The following FAM53A variants were observed in gnomAD, a reference collection of about 807,000 sequenced individuals.
The protein encoded by FAM53A is protein FAM53A.
In FAM53A, 28 loss-of-function variants were observed where a neutral mutation model predicts 26.6. The ratio of observed to expected loss-of-function variants is 1.05; its 90% CI spans 0.78 to 1.45. The LOEUF is 1.45. FAM53A is among the 40% of genes most tolerant of loss of function. The pLI is 0.00. For synonymous variants in FAM53A, 290 were observed against 253.1 expected, an observed-to-expected ratio of 1.15 and a Z score of -1.38; for missense variants, 650 against 575.8, an observed-to-expected ratio of 1.13 and a Z score of -1.32.
the FAM53A span, among the ~76,000 whole-genome samples, chr4:1,590,489 A>G: frequency 6.6e-6 from 1 of 152,066 alleles, no homozygotes; most frequent in Admixed American, 6.6e-5. Flanking sequence ...GAACCACAAT[A>G]AAAACCTTTC....
At chr4:1,610,713 G>A in the FAM53A span, among the ~76,000 whole-genome samples, 18 of 152,194 alleles carry the variant, frequency 1.2e-4, no homozygotes, top group South Asian at 3.7e-3. Flanking sequence ...CGGCTGAGGT[G>A]GCTGTGACCC....
chr4:1,620,161 C>T lies in FAM53A; in HGVS notation c.432-2050G>A, dbSNP rs927156661. ...GACAGAGGTTGCAGTGAGCTGAGAT[C>T]GTGCCACTGCACTCCAGGCTGGGTG... On this transcript the variant is annotated intron_variant, in intron 1 of 1. Coordinates refer to the FAM53A transcript ENST00000489029. 7.4e-5 allele frequency among the ~76,000 whole-genome samples: 11 copies of T among 149,620 alleles called. No homozygotes were observed. In the East Asian group the frequency reaches 9.8e-4, roughly 13 times the overall value.
downstream of FAM53A, among the ~76,000 whole-genome samples, chr4:1,634,910 A>AAT (rs1158952991): frequency 2.7e-4 from 41 of 152,204 alleles, no homozygotes; most frequent in African/African-American, 9.9e-4. Context: ...CAAAAAAAAA[A>AAT]AAATAAAAAA....
intron 1 of FAM53A, among the ~76,000 whole-genome samples, chr4:1,629,116 A>C (rs1340307753): frequency 6.6e-6 from 1 of 151,870 alleles, no homozygotes; most frequent in Non-Finnish European, 1.5e-5. Flanking sequence ...CCAGGCGGAT[A>C]CCTCGCCCAG....
intron 1 of FAM53A, among the ~76,000 whole-genome samples, chr4:1,619,606 A>AC (rs1354847660): frequency 1.3e-5 from 2 of 151,042 alleles, no homozygotes; most frequent in Non-Finnish European, 3.0e-5. Context: ...TCAGGTCTTC[A>AC]CCCCCCGGCC....
chr4:1,661,034 G>A (rs1159849992), intron 2 of FAM53A, among the ~76,000 whole-genome samples: 4 of 151,812 alleles, frequency 2.6e-5, no homozygotes, highest in Admixed American at 1.3e-4. Context: ...GCTTCCCTGC[G>A]CCTACAGCCC....
chr4:1,593,577 G>T, the FAM53A span, among the ~76,000 whole-genome samples: 1 of 152,188 alleles, frequency 6.6e-6, no homozygotes, highest in Admixed American at 6.5e-5. Flanking sequence ...CGGGATGAGG[G>T]ATGGCGTCAT....
At chr4:1,652,538 C>G (rs1281993879) in intron 4 of FAM53A, among the ~76,000 whole-genome samples, 1 of 148,446 alleles carries the variant, frequency 6.7e-6, no homozygotes, top group African/African-American at 2.5e-5. Flanking sequence ...CTACCATACA[C>G]ACAGGCCACA....
In FAM53A at chr4:1,646,916, T is replaced by C. The variant is rs78359487; in HGVS notation, c.883-5309A>G. 1.7e-3 allele frequency among the ~76,000 whole-genome samples: 259 copies of C among 152,340 alleles called. 1 individual carries two copies. The highest frequency in any genetic ancestry group is 6.0e-3 in the African/African-American group (248 of 41,574). On this transcript the variant is annotated intron_variant, in intron 4 of 4. Transcript: ENST00000308132. ...TTTCAAAGCCCTAAAAGCACACGCT[T>C]TTATAGAAACCAGCAGCTGCTTCCA...
chr4:1,594,685 T>A, the FAM53A span, among the ~76,000 whole-genome samples: 1 of 151,008 alleles, frequency 6.6e-6, no homozygotes, highest in South Asian at 2.1e-4. Context: ...TCTGCAAAAA[T>A]GCAAAAGTTA....
At chr4:1,681,709 C>T (rs1201394194) in intron 1 of FAM53A, among the ~76,000 whole-genome samples, 1 of 151,652 alleles carries the variant, frequency 6.6e-6, no homozygotes, top group African/African-American at 2.4e-5. Context: ...CACTATGTTG[C>T]CCAGGCTGGT....
At chr4:1,682,961 A>G (rs1715558739) in intron 1 of FAM53A, among the ~76,000 whole-genome samples, 1 of 152,244 alleles carries the variant, frequency 6.6e-6, no homozygotes, top group South Asian at 2.1e-4. Flanking sequence ...CACAGAACAC[A>G]ACAGAGGGAC....
intron 1 of FAM53A, among the ~76,000 whole-genome samples, chr4:1,676,628 T>G (rs1715061980): frequency 6.6e-6 from 1 of 152,104 alleles, no homozygotes; most frequent in African/African-American, 2.4e-5. Context: ...CTTCCACCCC[T>G]TCAGCCCTGT....
At chr4:1,604,806 A>G in the FAM53A span, among the ~76,000 whole-genome samples, 32 of 152,030 alleles carry the variant, frequency 2.1e-4, no homozygotes, top group African/African-American at 7.5e-4. Context: ...AGCCTAAAGC[A>G]AAGAAAACCC....
chr4:1,637,117 A>G (rs997163482), downstream of FAM53A, among the ~76,000 whole-genome samples: 10 of 151,360 alleles, frequency 6.6e-5, no homozygotes, highest in African/African-American at 2.2e-4. Context: ...CTGGGCAGAC[A>G]AGCTCTCGGC....
intron 2 of FAM53A, among the ~76,000 whole-genome samples, chr4:1,667,072 G>A (rs986423250): frequency 4.6e-5 from 7 of 151,282 alleles, no homozygotes; most frequent in East Asian, 1.9e-4. Flanking sequence ...AGGTTGCAGT[G>A]AGCCGAGATT....
the FAM53A span, among the ~76,000 whole-genome samples, chr4:1,608,754 G>C: frequency 6.6e-6 from 1 of 152,180 alleles, no homozygotes; most frequent in African/African-American, 2.4e-5. Context: ...CCTGCTCGCC[G>C]GAGGGAGAGC....
At chr4:1,585,911 A>G in the FAM53A span, among the ~76,000 whole-genome samples, 1 of 151,322 alleles carries the variant, frequency 6.6e-6, no homozygotes, top group East Asian at 2.0e-4. Flanking sequence ...GTGTGTGTGT[A>G]TTTTTAGTAC....
At chr4:1,627,266 C>T (rs975813117) in intron 1 of FAM53A, among the ~76,000 whole-genome samples, 1 of 152,208 alleles carries the variant, frequency 6.6e-6, no homozygotes, top group Non-Finnish European at 1.5e-5. Context: ...CCCAAGGCAC[C>T]CAGAGTGCTC....
Sources: gnomAD v4.1 joint callset for allele counts (sites outside exome capture counted in the v4.1 genomes callset) on GRCh38, gnomAD v4.1.1 for gene constraint, MANE v1.5 for transcripts, NCBI Gene and HGNC (gene_info 2026-07-23, HGNC 2026-07-21) for gene names.